Variants in CRIM1 observed in about 807,000 individuals in gnomAD.
CRIM1 encodes cysteine-rich motor neuron 1 protein.
A neutral mutation model predicts 116.4 loss-of-function variants in CRIM1; 32 were observed. That is an observed-to-expected ratio of 0.27 (90% CI 0.21 to 0.37). The LOEUF is 0.37. CRIM1 is among the 10% of genes least tolerant of loss of function. CRIM1 has a pLI of 1.00. For missense variants in CRIM1, 1,331 were observed against 1,354.8 expected, an observed-to-expected ratio of 0.98 and a Z score of 0.28; for synonymous variants, 590 against 509.2, an observed-to-expected ratio of 1.16 and a Z score of -2.13.
At chr2:36,543,154 G>A (rs1008696623) in intron 14 of CRIM1, among the ~76,000 whole-genome samples, 54 of 152,068 alleles carry the variant, frequency 3.6e-4, no homozygotes, top group African/African-American at 1.2e-3. Flanking sequence ...CTTGGGCTTT[G>A]GAATCACAGA....
At chr2:36,407,751 G>T (rs1182562880) in intron 2 of CRIM1, among the ~76,000 whole-genome samples, 1 of 150,634 alleles carries the variant, frequency 6.6e-6, no homozygotes, top group Non-Finnish European at 1.5e-5. Context: ...CTTATGTCCA[G>T]TTACCAACAG....
At chr2:36,472,266 A>G (rs538847076) in intron 5 of CRIM1, among the ~76,000 whole-genome samples, 1 of 152,090 alleles carries the variant, frequency 6.6e-6, no homozygotes, top group African/African-American at 2.4e-5. Flanking sequence ...TGAGATTCAC[A>G]TCTACCCCTG....
In CRIM1 at chr2:36,492,205, T is replaced by C. The variant is rs148509327; in HGVS notation, c.1373-7014T>C. The stretch of plus-strand genomic sequence containing the variant: ...GCTTCCTTTTCCGATCACAAAATAA[T>C]ACAAATCTTGGGAACATTTGCACAC... On this transcript the variant is annotated intron_variant, in intron 7 of 16. Transcript: ENST00000280527. Among the ~76,000 whole-genome samples the C allele has an allele frequency of 5.3e-4, 80 of 152,304 alleles. 1 individual carries two copies. In the Middle Eastern group the frequency reaches 0.034, roughly 65 times the overall value.
chr2:36,402,625 A>G (rs1672502277), intron 2 of CRIM1, among the ~76,000 whole-genome samples: 1 of 151,814 alleles, frequency 6.6e-6, no homozygotes, highest in African/African-American at 2.4e-5. Flanking sequence ...GGGAGATGTA[A>G]GAGTATGAAC....
At chr2:36,512,538 G>A in intron 10 of CRIM1, 144 bp downstream of exon 10, 1 of 791,576 alleles carries the variant, frequency 1.3e-6, no homozygotes, top group South Asian at 2.5e-5. Flanking sequence ...CCGTCCCACA[G>A]GACTCCCTTT....
At chr2:36,430,037 C>G (rs958321118) in intron 2 of CRIM1, among the ~76,000 whole-genome samples, 4 of 152,168 alleles carry the variant, frequency 2.6e-5, no homozygotes, top group African/African-American at 4.8e-5. Context: ...GTGTTTGGGA[C>G]CAAGGGTGTA....
intron 1 of CRIM1, among the ~76,000 whole-genome samples, chr2:36,395,234 C>A (rs942225885): frequency 6.6e-6 from 1 of 152,044 alleles, no homozygotes; most frequent in African/African-American, 2.4e-5. Flanking sequence ...AGGCTGATGG[C>A]CAGGTGATCT....
At position 36,517,420 on chromosome 2, in the gene CRIM1, T is replaced by C; in HGVS notation, c.2084T>C (p.Ile695Thr). The part of the protein sequence containing the change: ...EYFVEGETWN[I>T]DSCTQCTCHS... ...TTTGTGGAAGGAGAAACGTGGAACA[T>C]TGACTCCTGTACTCAGTGCACCTGC... Residue 695 changes from isoleucine (I) to threonine (T), a missense_variant, in exon 12 of 17, where the codon ATT becomes ACT. Physicochemically the swap from Ile to Thr is moderately conservative, Grantham distance 89. Around this residue, in one of 3 missense-constraint regions of CRIM1, gnomAD observed 358 missense variants for 436.1 expected, o/e 0.82. Coordinates refer to ENST00000280527, the MANE Select transcript of CRIM1 (RefSeq NM_016441.3). 1.2e-6 allele frequency: 2 copies of C among 1,614,198 alleles called. No homozygotes were observed. Among genetic ancestry groups the C allele is most frequent in the South Asian group, 1.1e-5 (1 of 91,086 alleles).
intron 8 of CRIM1, among the ~76,000 whole-genome samples, chr2:36,502,220 C>T (rs1681051185): frequency 6.6e-6 from 1 of 152,110 alleles, no homozygotes; most frequent in African/African-American, 2.4e-5. Flanking sequence ...TCATTAAGTT[C>T]AAAGAAGCAG....
intron 2 of CRIM1, among the ~76,000 whole-genome samples, chr2:36,433,618 C>A (rs1395719330): frequency 1.3e-5 from 2 of 152,144 alleles, no homozygotes; most frequent in African/African-American, 4.8e-5. Context: ...GTACTAATGC[C>A]CAGGCTCCTC....
chr2:36,391,778 C>T (rs115808758), intron 1 of CRIM1, among the ~76,000 whole-genome samples: 72 of 144,702 alleles, frequency 5.0e-4, no homozygotes, highest in African/African-American at 1.6e-3. Context: ...TTTTCTTTTT[C>T]CACTTTGCAC....
chr2:36,450,723 T>C (rs1425868762), intron 4 of CRIM1, among the ~76,000 whole-genome samples: 3 of 152,200 alleles, frequency 2.0e-5, no homozygotes, highest in African/African-American at 7.2e-5. Context: ...ATGTCAAATA[T>C]ACAGCCCATG....
chr2:36,480,247 T>G (rs1482600060), intron 7 of CRIM1, among the ~76,000 whole-genome samples: 1 of 152,218 alleles, frequency 6.6e-6, no homozygotes, highest in Non-Finnish European at 1.5e-5. Flanking sequence ...TCTCTTCTTG[T>G]TCAGTGGAGG....
intron 5 of CRIM1, among the ~76,000 whole-genome samples, chr2:36,466,249 G>A (rs1678019773): frequency 6.6e-6 from 1 of 152,016 alleles, no homozygotes; most frequent in African/African-American, 2.4e-5. Context: ...CATTGGGGAT[G>A]GGGGATAGAG....
intron 14 of CRIM1, among the ~76,000 whole-genome samples, chr2:36,541,369 A>T (rs994912830): frequency 6.6e-6 from 1 of 152,192 alleles, no homozygotes; most frequent in South Asian, 2.1e-4. Context: ...TTTCACCTTT[A>T]CCATCTTTGG....
chr2:36,374,510 C>T (rs527907225), intron 1 of CRIM1, among the ~76,000 whole-genome samples: 1 of 152,148 alleles, frequency 6.6e-6, no homozygotes, highest in Admixed American at 6.6e-5. Flanking sequence ...CCACACCCAT[C>T]GTGTATGTTT....
chr2:36,382,076 C>T (rs1247126314), intron 1 of CRIM1, among the ~76,000 whole-genome samples: 1 of 152,164 alleles, frequency 6.6e-6, no homozygotes, highest in Admixed American at 6.5e-5. Context: ...CAGCTCTTTG[C>T]TCCTCTCCGG....
At chr2:36,468,646 A>C (rs748193767) in intron 5 of CRIM1, among the ~76,000 whole-genome samples, 1 of 152,140 alleles carries the variant, frequency 6.6e-6, no homozygotes, top group South Asian at 2.1e-4. Context: ...TCAAGAACCC[A>C]CTGTATGTCT....
Position 36,477,025 on chromosome 2 carries a change from C to G in CRIM1, c.1128C>G (p.Cys376Trp). 6.2e-7 allele frequency: 1 copy of G among 1,613,516 alleles called. No individual in the cohort carries two copies. The highest frequency in any genetic ancestry group is 8.5e-7 in the Non-Finnish European group (1 of 1,179,678). ...CFTAQCGEINCERYYVPEGEC... is the reference protein window; with the variant it reads ...CFTAQCGEINWERYYVPEGEC... Reference sequence around the variant, plus strand: ...CCGCCCAGTGTGGTGAGATAAACTGCGAGAGGTACTACGTGCCCGAAGGAG... The same window carrying G: ...CCGCCCAGTGTGGTGAGATAAACTGGGAGAGGTACTACGTGCCCGAAGGAG... The change falls in exon 6 of 17, where the codon TGC becomes TGG. Residue 376 changes from cysteine (C) to tryptophan (W), a missense_variant. By Grantham distance (215) the Cys-to-Trp change is radical. Transcript: ENST00000280527.
Sources: allele counts gnomAD v4.1 joint callset (sites outside exome capture counted in the v4.1 genomes callset), GRCh38; gene constraint gnomAD v4.1.1; regional missense constraint gnomAD v4.1.1; transcripts MANE v1.5; gene names NCBI Gene and HGNC (gene_info 2026-07-23, HGNC 2026-07-21).